OTOGL: variants seen among roughly 807,000 people sequenced by gnomAD.
OTOGL encodes the protein otogelin like.
A neutral mutation model predicts 318.5 loss-of-function variants in OTOGL; 285 were observed. The observed-to-expected ratio is 0.89, with a 90% CI of 0.81 to 0.99. OTOGL has a LOEUF of 0.99. Among genes scored for constraint, OTOGL ranks in the 50% least tolerant of loss-of-function variants. The pLI, the probability that OTOGL is intolerant of heterozygous loss-of-function variation, is 0.00. For synonymous variants in OTOGL, 987 were observed against 936.5 expected (o/e 1.05, Z -0.99); for missense variants, 2,899 against 2,845.6 (o/e 1.02, Z -0.43).
intron 52 of OTOGL, among the ~76,000 whole-genome samples, chr12:80,365,448 G>A (rs932423640): frequency 6.6e-5 from 10 of 152,014 alleles, no homozygotes; most frequent in Non-Finnish European, 1.5e-4. Flanking sequence ...TAGAAGAGAA[G>A]GATAGAAGAT....
intron 7 of OTOGL, among the ~76,000 whole-genome samples, chr12:80,226,524 C>T: frequency 6.6e-6 from 1 of 152,098 alleles, no homozygotes; most frequent in African/African-American, 2.4e-5. Flanking sequence ...GACAATCCTT[C>T]CTCAGTTTTC....
At chr12:80,153,815 A>T (rs1022053976) in intron 1 of OTOGL, among the ~76,000 whole-genome samples, 4 of 152,182 alleles carry the variant, frequency 2.6e-5, no homozygotes, top group Non-Finnish European at 5.9e-5. Context: ...ACATATGTAG[A>T]CATTTCAGAT....
intron 26 of OTOGL, among the ~76,000 whole-genome samples, chr12:80,292,916 G>A (rs1239223092): frequency 2.0e-5 from 3 of 152,010 alleles, no homozygotes; most frequent in African/African-American, 4.8e-5. Context: ...TGTCTGTCTC[G>A]GACTTCAGGA....
chr12:80,166,178 C>G (rs1237385314), intron 1 of OTOGL, among the ~76,000 whole-genome samples: 1 of 142,468 alleles, frequency 7.0e-6, no homozygotes, highest in Middle Eastern at 3.3e-3. Flanking sequence ...TTCCTTTCCT[C>G]TCTCCCTCCC....
At chr12:80,107,604 C>T (rs10862049) in intron 1 of OTOGL, among the ~76,000 whole-genome samples, 91,879 of 151,834 alleles carry the variant, frequency 0.61, 28,344 homozygotes, top group African/African-American at 0.73. Flanking sequence ...ATTGGGTATA[C>T]ACCCGAAAGA....
chr12:80,141,243 C>T (rs539390915), intron 1 of OTOGL, among the ~76,000 whole-genome samples: 2 of 152,054 alleles, frequency 1.3e-5, no homozygotes, highest in South Asian at 4.2e-4. Flanking sequence ...AAAAGTAAGC[C>T]GTGGCATTAT....
At chr12:80,247,207 T>A (rs1467090044) in intron 11 of OTOGL, among the ~76,000 whole-genome samples, 1 of 149,028 alleles carries the variant, frequency 6.7e-6, no homozygotes, top group East Asian at 1.9e-4. Context: ...TTCTGTTAGC[T>A]TTTGAATGTG....
chr12:80,108,611 G>C (rs1869597115), intron 1 of OTOGL, among the ~76,000 whole-genome samples: 1 of 150,974 alleles, frequency 6.6e-6, no homozygotes, highest in African/African-American at 2.4e-5. Flanking sequence ...AATGCTTTTA[G>C]CATCCATTGA....
chr12:80,353,522 A>G lies in OTOGL; in HGVS notation c.5593+12A>G, dbSNP rs762076242. On this transcript the variant is annotated intron_variant, in intron 46 of 58. Transcript: ENST00000547103. ...AGAGAAAGAGTGTGGTAAGACACAA[A>G]GTACAAAATGACTTCTCAGGAATCC... The G allele has an allele frequency of 2.6e-5, 39 of 1,509,704 alleles. No homozygotes were observed. In the Admixed American group the frequency reaches 4.6e-4, roughly 18 times the overall value. The allele number at this position is 1,509,704 out of a possible 1,614,324, so 93.5% of individuals were successfully genotyped here.
chr12:80,122,900 A>ATTTTTATTTTTAT (rs1870572918), intron 1 of OTOGL, among the ~76,000 whole-genome samples: 1 of 149,294 alleles, frequency 6.7e-6, no homozygotes, highest in Non-Finnish European at 1.5e-5. Flanking sequence ...TTATTTTTTT[A>ATTTTTATTTTTAT]TTTTTATTTT....
chr12:80,218,544 C>T (rs1438618700), intron 5 of OTOGL, among the ~76,000 whole-genome samples: 5 of 152,118 alleles, frequency 3.3e-5, no homozygotes, highest in Non-Finnish European at 7.4e-5. Flanking sequence ...TGCCAGTTGC[C>T]TCTTGTCCTC....
At chr12:80,279,718 C>A (rs1218381922) in intron 26 of OTOGL, among the ~76,000 whole-genome samples, 2 of 151,664 alleles carry the variant, frequency 1.3e-5, no homozygotes, top group Non-Finnish European at 3.0e-5. Flanking sequence ...GATTCCATGT[C>A]TTTGCTATTG....
At chr12:80,238,820 G>A in intron 9 of OTOGL, 31 bp from the exon 10 acceptor site, 1 of 1,378,890 alleles carries the variant, frequency 7.3e-7, no homozygotes. Flanking sequence ...ACCTATTTGT[G>A]TGTGTGTGTG....
At chr12:80,302,918 T>A (rs1452819795) in intron 28 of OTOGL, 135 bp downstream of exon 28, 3 of 879,036 alleles carry the variant, frequency 3.4e-6, no homozygotes, top group African/African-American at 1.7e-5. Flanking sequence ...ACTCATACCC[T>A]TGTGAAAAAG....
In OTOGL at chr12:80,310,638, C is replaced by A. The variant is rs768918570; in HGVS notation, c.3361C>A (p.Pro1121Thr). 2 of 1,594,186 alleles carry A rather than the reference C, an allele frequency of 1.3e-6. No individual in the cohort carries two copies. The highest frequency in any genetic ancestry group is 1.7e-5 in the Admixed American group (1 of 59,960). The part of the protein sequence containing the change: ...QCESPDETIK[P>T]CEAHQNKFPY... ...TGAAAGTCCAGATGAAACAATTAAA[C>A]CCTGTGAGGCACATCAAAACAAATT... Residue 1121 changes from proline (P) to threonine (T), a missense_variant, in exon 30 of 59, where the codon CCC (proline) becomes ACC (threonine). Pro to Thr is a conservative substitution (Grantham distance 38). Transcript: ENST00000547103.
chr12:80,190,060 T>C (rs1289602127), intron 1 of OTOGL, among the ~76,000 whole-genome samples: 1 of 152,226 alleles, frequency 6.6e-6, no homozygotes, highest in Non-Finnish European at 1.5e-5. Flanking sequence ...ATATTACAGA[T>C]ATTGCATTTT....
chr12:80,309,888 A>G (rs1886514645), intron 29 of OTOGL, among the ~76,000 whole-genome samples: 1 of 152,146 alleles, frequency 6.6e-6, no homozygotes, highest in African/African-American at 2.4e-5. Context: ...AGTGACTAGT[A>G]TATTCAGGGC....
At chr12:80,226,222 ACTTCC>A (rs1878838549) in intron 7 of OTOGL, among the ~76,000 whole-genome samples, 1 of 142,982 alleles carries the variant, frequency 7.0e-6, no homozygotes, top group South Asian at 2.2e-4. Flanking sequence ...ACACACACAC[ACTTCC>A]CTTCACTCCT....
chr12:80,309,577 A>G (rs1886492319), intron 29 of OTOGL, among the ~76,000 whole-genome samples: 1 of 152,220 alleles, frequency 6.6e-6, no homozygotes, highest in African/African-American at 2.4e-5. Flanking sequence ...ACAAGGGCCA[A>G]GAGGCTCTTA....
Sources: gnomAD v4.1 joint callset for allele counts (sites outside exome capture counted in the v4.1 genomes callset) on GRCh38, gnomAD v4.1.1 for gene constraint, MANE v1.5 for transcripts, NCBI Gene and HGNC (gene_info 2026-07-23, HGNC 2026-07-21) for gene names.